The following PDZD2 variants were observed in gnomAD, a reference collection of about 807,000 sequenced individuals.
PDZD2 encodes the protein PDZ domain-containing protein 2.
In PDZD2, 90 loss-of-function variants were observed where a neutral mutation model predicts 220.7. The ratio of observed to expected loss-of-function variants is 0.41; its 90% CI spans 0.34 to 0.49. The LOEUF is 0.49. Among genes scored for constraint, PDZD2 ranks in the 20% least tolerant of loss-of-function variants. PDZD2 has a pLI of 0.28. For synonymous variants in PDZD2, 1,375 were observed against 1,450.5 expected (o/e 0.95, Z 1.18); for missense variants, 3,174 against 3,608.5 (o/e 0.88, Z 3.08).
At chr5:31,932,392 T>C (rs2150393161) in intron 2 of PDZD2, among the ~76,000 whole-genome samples, 1 of 152,032 alleles carries the variant, frequency 6.6e-6, no homozygotes, top group South Asian at 2.1e-4. Context: ...CTACTAAAAA[T>C]ACAAAAATTA....
Position 31,739,533 on chromosome 5 carries a change from A to G in PDZD2, c.-360-59356A>G, listed in dbSNP as rs1750123317. On this transcript the variant is annotated intron_variant, in intron 1 of 24. Coordinates refer to ENST00000438447, the MANE Select transcript of PDZD2 (RefSeq NM_178140.4). ...ATAAAAGAAGGGAAGATATGAGGAGACTTCAAAAAGTTAGCAGAAAATGGG... is the reference window on the plus strand; with the variant it reads ...ATAAAAGAAGGGAAGATATGAGGAGGCTTCAAAAAGTTAGCAGAAAATGGG... Among the ~76,000 whole-genome samples the G allele has an allele frequency of 2.0e-5, 3 of 152,194 alleles. No homozygotes were observed. The East Asian group carries it at 5.8e-4, about 29-fold the overall frequency.
intron 1 of PDZD2, among the ~76,000 whole-genome samples, chr5:31,717,384 T>A (rs1437130936): frequency 6.6e-6 from 1 of 152,180 alleles, no homozygotes; most frequent in African/African-American, 2.4e-5. Flanking sequence ...GATGCATACA[T>A]ATATTTATTA....
At chr5:31,833,180 A>G (rs1210282767) in intron 2 of PDZD2, among the ~76,000 whole-genome samples, 2 of 152,148 alleles carry the variant, frequency 1.3e-5, no homozygotes, top group Non-Finnish European at 2.9e-5. Context: ...CTAGAAACAA[A>G]GGTGGAGGCT....
intron 3 of PDZD2, among the ~76,000 whole-genome samples, chr5:31,984,577 T>G (rs1750565254): frequency 6.6e-6 from 1 of 151,932 alleles, no homozygotes; most frequent in Non-Finnish European, 1.5e-5. Context: ...CGCGGCAGCT[T>G]GTGACTGTAG....
intron 1 of PDZD2, among the ~76,000 whole-genome samples, chr5:31,793,515 G>A (rs1036008780): frequency 3.9e-5 from 6 of 152,064 alleles, no homozygotes; most frequent in African/African-American, 1.4e-4. Flanking sequence ...CACTAGAAAA[G>A]CTTTATAATG....
intron 20 of PDZD2, among the ~76,000 whole-genome samples, chr5:32,091,927 T>C (rs1743194772): frequency 6.6e-6 from 1 of 152,112 alleles, no homozygotes; most frequent in South Asian, 2.1e-4. Flanking sequence ...CGGGGGAATT[T>C]GGACTTTGGA....
At chr5:31,824,441 A>G (rs937231876) in intron 2 of PDZD2, among the ~76,000 whole-genome samples, 31 of 152,182 alleles carry the variant, frequency 2.0e-4, no homozygotes, top group African/African-American at 7.0e-4. Context: ...CCTTAACCAG[A>G]TTATAACCTC....
chr5:32,093,068 G>C, intron 21 of PDZD2, 44 bp downstream of exon 21: 2 of 1,021,564 alleles, frequency 2.0e-6, no homozygotes, highest in Admixed American at 1.7e-5. Flanking sequence ...TTGCGGCCGC[G>C]TGAGTGCCCA....
intron 2 of PDZD2, among the ~76,000 whole-genome samples, chr5:31,912,969 A>G (rs760852040): frequency 2.0e-5 from 3 of 152,202 alleles, no homozygotes; most frequent in Non-Finnish European, 2.9e-5. Context: ...AAAACATTGC[A>G]TCCTTCTTTT....
chr5:31,826,438 C>T (rs1293530702), intron 2 of PDZD2, among the ~76,000 whole-genome samples: 2 of 151,934 alleles, frequency 1.3e-5, no homozygotes, highest in African/African-American at 2.4e-5. Flanking sequence ...TTTGGGAAGC[C>T]GAGGCGGGTG....
chr5:31,776,453 TA>T (rs1752651476), intron 1 of PDZD2, among the ~76,000 whole-genome samples: 3 of 62,006 alleles, frequency 4.8e-5, no homozygotes, highest in Non-Finnish European at 1.1e-4. Context: ...GTTTTTATTT[TA>T]TTTATTTATT....
intron 1 of PDZD2, among the ~76,000 whole-genome samples, chr5:31,700,941 G>T (rs1414335058): frequency 6.6e-6 from 1 of 152,160 alleles, no homozygotes; most frequent in East Asian, 1.9e-4. Context: ...TCTCCTGGGG[G>T]GCTGTCTTCT....
At chr5:32,085,608 G>C (rs1742370433) in intron 19 of PDZD2, among the ~76,000 whole-genome samples, 1 of 150,260 alleles carries the variant, frequency 6.7e-6, no homozygotes, top group East Asian at 1.9e-4. Flanking sequence ...ACCACACTCA[G>C]CTAATTTTTG....
In PDZD2 at chr5:31,765,025, C is replaced by T. The variant is rs188709281; in HGVS notation, c.-360-33864C>T. 2.6e-5 allele frequency among the ~76,000 whole-genome samples: 4 copies of T among 151,812 alleles called. No homozygotes were observed. The East Asian group carries it at 5.8e-4, about 22-fold the overall frequency. On this transcript the variant is annotated intron_variant, in intron 1 of 24. Transcript: ENST00000438447. ...CCGGGAGGTGGAGTTTGCAGTGAGCCGAGATCACGCTACTGCACTCCAGCC... is the reference window on the plus strand; with the variant it reads ...CCGGGAGGTGGAGTTTGCAGTGAGCTGAGATCACGCTACTGCACTCCAGCC...
At position 32,087,434 on chromosome 5, in the gene PDZD2, G is replaced by T; in HGVS notation, c.3986G>T (p.Gly1329Val). 1 of 1,614,136 alleles carries T rather than the reference G, an allele frequency of 6.2e-7. No individual in the cohort carries two copies. Among genetic ancestry groups the T allele is most frequent in the East Asian group, 2.2e-5 (1 of 44,882 alleles). Reference sequence around the variant, plus strand: ...GCTGCCCTCAGGGGAGCGGGACCTGGAGCAGAGGGAATGACACCAGCTGGT... The same window carrying T: ...GCTGCCCTCAGGGGAGCGGGACCTGTAGCAGAGGGAATGACACCAGCTGGT... ...RVAALRGAGP[G>V]AEGMTPAGAV... is the part of the protein sequence containing the mutation. The change falls in exon 20 of 25, where the codon GGA becomes GTA. Residue 1329 changes from glycine (G) to valine (V), a missense_variant. Transcript: ENST00000438447. The surrounding 1 kb of genome is among the most constrained non-coding windows in gnomAD (Gnocchi z 4.0).
At chr5:31,817,927 G>T (rs923198788) in intron 2 of PDZD2, among the ~76,000 whole-genome samples, 1 of 148,848 alleles carries the variant, frequency 6.7e-6, no homozygotes, top group Admixed American at 6.7e-5. Context: ...GCCTCCCGAA[G>T]TACTGGGATT....
At chr5:31,768,478 T>C (rs1413076614) in intron 1 of PDZD2, among the ~76,000 whole-genome samples, 1 of 151,892 alleles carries the variant, frequency 6.6e-6, no homozygotes, top group Non-Finnish European at 1.5e-5. Flanking sequence ...CCGTCTCTAC[T>C]AAAAATACAA....
chr5:31,844,422 T>C (rs971123849), intron 2 of PDZD2, among the ~76,000 whole-genome samples: 36 of 152,228 alleles, frequency 2.4e-4, no homozygotes, highest in African/African-American at 7.2e-4. Context: ...TCTTCAAGCT[T>C]CTCGATTTTT....
chr5:32,090,735 C>G lies in PDZD2; in HGVS notation c.7287C>G (p.Asn2429Lys), dbSNP rs1743052928. The change falls in exon 20 of 25, where the codon AAC (asparagine) becomes AAG (lysine). Residue 2429 changes from asparagine (N) to lysine (K), a missense_variant. Asn to Lys is a moderately conservative substitution (Grantham distance 94). This residue lies in a region of PDZD2 where 631 missense variants were observed against 789.9 expected (regional missense o/e 0.80). Transcript: ENST00000438447. This position sits in a 1 kb window ranked among gnomAD's most constrained non-coding sequence, Gnocchi z 4.3. ...SIMTLTISRQ[N>K]PPETSSKGSD... ...TGACACTGACCATCTCTCGGCAGAA[C>G]CCACCAGAGACCAGTAGCAAGGGCT... The G allele has an allele frequency of 1.2e-6, 2 of 1,614,016 alleles. No homozygotes were observed. The highest frequency in any genetic ancestry group is 1.7e-6 in the Non-Finnish European group (2 of 1,180,026).
Sources: allele counts gnomAD v4.1 joint callset (sites outside exome capture counted in the v4.1 genomes callset), GRCh38; gene constraint gnomAD v4.1.1; regional missense constraint gnomAD v4.1.1; non-coding constraint Gnocchi (gnomAD v3.1); transcripts MANE v1.5; gene names NCBI Gene and HGNC (gene_info 2026-07-23, HGNC 2026-07-21).